Variants in MAST1 observed in about 807,000 individuals in gnomAD.
MAST1 encodes the protein microtubule-associated serine/threonine-protein kinase 1.
In MAST1, 40 loss-of-function variants were observed where a neutral mutation model predicts 124.6. The ratio of observed to expected loss-of-function variants is 0.32; its 90% confidence interval spans 0.25 to 0.42. MAST1 has a LOEUF of 0.42. MAST1 is among the 10% of genes least tolerant of loss of function. MAST1 has a pLI of 1.00. For synonymous variants in MAST1, 938 were observed against 939.4 expected, an observed-to-expected ratio of 1.00 and a Z score of 0.03; for missense variants, 1,558 against 2,181.9, an observed-to-expected ratio of 0.71 and a Z score of 5.70.
intron 7 of MAST1, among the ~76,000 whole-genome samples, chr19:12,849,305 T>C (rs1000913897): frequency 3.9e-5 from 6 of 152,114 alleles, no homozygotes; most frequent in African/African-American, 1.4e-4. Context: ...GATGGGAGGA[T>C]TGCTTGAGGT....
At chr19:12,858,006 C>CAAAAAAAAAAAAAAAAAA (rs539497049) in intron 10 of MAST1, among the ~76,000 whole-genome samples, 2 of 49,446 alleles carry the variant, frequency 4.0e-5, no homozygotes, top group African/African-American at 1.1e-4. Context: ...GAACCTATCT[C>CAAAAAAAAAAAAAAAAAA]AAAAAAAAAA....
chr19:12,848,207 T>TC (rs1165212080), intron 7 of MAST1, 150 bp downstream of exon 7: 1 of 682,536 alleles, frequency 1.5e-6, no homozygotes, highest in African/African-American at 1.8e-5. Context: ...GTGGAAGTGG[T>TC]CCCTTCCCTA....
intron 12 of MAST1, among the ~76,000 whole-genome samples, chr19:12,861,999 CT>C (rs55931366): frequency 0.068 from 8,379 of 122,950 alleles, 291 homozygotes; most frequent in African/African-American, 0.16. Context: ...CCGTGCCTGC[CT>C]TTTTTTTTTT....
At chr19:12,851,438 A>T (rs1040041123) in intron 7 of MAST1, among the ~76,000 whole-genome samples, 1 of 150,566 alleles carries the variant, frequency 6.6e-6, no homozygotes, top group Admixed American at 6.6e-5. Context: ...TAATTTTATT[A>T]TTTGTAGAGA....
In MAST1 at chr19:12,865,891, G is replaced by A; in HGVS notation, c.1906+73G>A. 2 of 1,604,884 alleles carry A rather than the reference G, an allele frequency of 1.2e-6. No homozygotes were observed. Among genetic ancestry groups the A allele is most frequent in the South Asian group, 1.1e-5 (1 of 90,592 alleles). ...GCCTCCAAAACCCCAGGCCCAGCCT[G>A]TGCTGTGGCCCCGGGGCGGAAGACA... On this transcript the variant is annotated intron_variant, in intron 16 of 25. Coordinates refer to ENST00000251472, the MANE Select transcript of MAST1 (RefSeq NM_014975.3). This position sits in a 1 kb window ranked among gnomAD's most constrained non-coding sequence, Gnocchi z 7.1.
chr19:12,865,626 C>A lies in MAST1; in HGVS notation c.1805-91C>A. 1 of 1,435,916 alleles carries A rather than the reference C, an allele frequency of 7.0e-7. No individual in the cohort carries two copies. Among genetic ancestry groups the A allele is most frequent in the Non-Finnish European group, 9.6e-7 (1 of 1,042,180 alleles). 88.9% of individuals were successfully genotyped at this position (1,435,916 alleles called of 1,614,324 possible). A position where few individuals can be genotyped will look rare whatever the true frequency, so the allele number is the denominator to read the frequency against. ...AGGCTGCAGTGAGCCATGATCGTGC[C>A]ACTGCACTCCAGCTGGGTGACACAG... On this transcript the variant is annotated intron_variant, in intron 15 of 25. Transcript: ENST00000251472. The surrounding 1 kb of genome is among the most constrained non-coding windows in gnomAD (Gnocchi z 7.1).
Position 12,847,772 on chromosome 19 carries a change from TCGGTG to T in MAST1, c.565-73_565-69del, listed in dbSNP as rs1160866229. The T allele has an allele frequency of 3.2e-6, 5 of 1,583,688 alleles. No individual in the cohort carries two copies. The highest frequency in any genetic ancestry group is 4.3e-6 in the Non-Finnish European group (5 of 1,161,906). The stretch of plus-strand genomic sequence containing the variant: ...TATCCCCGCGCGCCCCCTGGCGGCC[TCGGTG>T]CGCAGCGCAGGCTCCTGGCGGCCGC... On this transcript the variant is annotated intron_variant, in intron 6 of 25. Coordinates refer to ENST00000251472, the MANE Select transcript of MAST1 (RefSeq NM_014975.3). The surrounding 1 kb of genome is among the most constrained non-coding windows in gnomAD (Gnocchi z 5.5).
Position 12,866,868 on chromosome 19 carries a change from A to C in MAST1, c.2139+106A>C. 1 of 940,878 alleles carries C rather than the reference A, an allele frequency of 1.1e-6. No homozygotes were observed. Among genetic ancestry groups the C allele is most frequent in the Middle Eastern group, 2.3e-4 (1 of 4,418 alleles). 58.3% of individuals were successfully genotyped at this position (940,878 alleles called of 1,614,324 possible). A position where few individuals can be genotyped will look rare whatever the true frequency, so the allele number is the denominator to read the frequency against. ...GGTGCCCAAGGTCTCAGGAGCGGGA[A>C]GTTATTGATGGGGCGGGAGTCTGGA... is the stretch of plus-strand genomic sequence containing the variant. On this transcript the variant is annotated intron_variant, in intron 18 of 25. Coordinates refer to ENST00000251472, the MANE Select transcript of MAST1 (RefSeq NM_014975.3). This position sits in a 1 kb window ranked among gnomAD's most constrained non-coding sequence, Gnocchi z 5.2.
chr19:12,854,273 G>A (rs1599582565), intron 10 of MAST1, among the ~76,000 whole-genome samples: 3 of 151,924 alleles, frequency 2.0e-5, no homozygotes, highest in East Asian at 1.9e-4. Context: ...ATAGGCATGC[G>A]CCACCACACC....
intron 10 of MAST1, among the ~76,000 whole-genome samples, chr19:12,854,243 C>T (rs1034330371): frequency 1.3e-5 from 2 of 151,788 alleles, no homozygotes; most frequent in African/African-American, 4.8e-5. Context: ...CCTCCCTCAG[C>T]CTCCTGAGTA....
chr19:12,847,521 C>A lies in MAST1; in HGVS notation c.488+71C>A. 1 of 1,610,752 alleles carries A rather than the reference C, an allele frequency of 6.2e-7. No individual in the cohort carries two copies. Among genetic ancestry groups the A allele is most frequent in the Non-Finnish European group, 8.5e-7 (1 of 1,177,884 alleles). ...GACTTGTGCTTAGAGAGACCCCTGT[C>A]CCCGCGAATAAAAGGGTTACATCTT... On this transcript the variant is annotated intron_variant, in intron 5 of 25. Coordinates refer to ENST00000251472, the MANE Select transcript of MAST1 (RefSeq NM_014975.3). This position sits in a 1 kb window ranked among gnomAD's most constrained non-coding sequence, Gnocchi z 5.5.
chr19:12,856,693 TAGAC>T (rs775842976), intron 10 of MAST1, among the ~76,000 whole-genome samples: 4 of 152,224 alleles, frequency 2.6e-5, no homozygotes, highest in South Asian at 4.1e-4. Flanking sequence ...TCTAAATCCA[TAGAC>T]AGAGAGTTTC....
intron 1 of MAST1, among the ~76,000 whole-genome samples, chr19:12,839,126 GA>G: frequency 7.1e-6 from 1 of 140,214 alleles, no homozygotes; most frequent in South Asian, 2.3e-4. Context: ...CTGAGGGGTA[GA>G]AAAAAGGGGG....
chr19:12,842,209 T>C (rs571040813), intron 3 of MAST1, among the ~76,000 whole-genome samples: 18 of 152,206 alleles, frequency 1.2e-4, no homozygotes, highest in Admixed American at 8.5e-4. Flanking sequence ...GCAATCTGTG[T>C]GTGGGTGTAA....
intron 10 of MAST1, among the ~76,000 whole-genome samples, chr19:12,857,672 A>G (rs1210723364): frequency 6.6e-6 from 1 of 152,116 alleles, no homozygotes; most frequent in East Asian, 1.9e-4. Context: ...TTGGCCTTCC[A>G]AAGTGCTGTG....
chr19:12,867,338 G>A (rs1970168045), intron 18 of MAST1, 136 bp from the exon 19 acceptor site: 5 of 938,668 alleles, frequency 5.3e-6, no homozygotes, highest in Non-Finnish European at 8.4e-6. Flanking sequence ...GTAGGTTGGG[G>A]GATCATGCAC....
intron 12 of MAST1, among the ~76,000 whole-genome samples, chr19:12,859,278 C>G (rs962223229): frequency 2.0e-5 from 3 of 152,080 alleles, no homozygotes; most frequent in Non-Finnish European, 4.4e-5. Context: ...CAGGATTTCG[C>G]CATGTTTGCC....
chr19:12,869,331 G>A, intron 22 of MAST1, 36 bp downstream of exon 22: 4 of 1,564,574 alleles, frequency 2.6e-6, no homozygotes, highest in South Asian at 1.1e-5. Flanking sequence ...ATCACAGAGT[G>A]GAGGGTGGTG....
In MAST1 at chr19:12,847,115, C is replaced by A. The variant is rs1599578223; in HGVS notation, c.328-175C>A. 23 of 600,506 alleles carry A rather than the reference C, an allele frequency of 3.8e-5. No homozygotes were observed. The East Asian group carries it at 4.4e-4, about 12-fold the overall frequency. The allele number at this position is 600,506 out of a possible 1,614,324, so 37.2% of individuals were successfully genotyped here. On this transcript the variant is annotated intron_variant, in intron 4 of 25. Transcript: ENST00000251472. The surrounding 1 kb of genome is among the most constrained non-coding windows in gnomAD (Gnocchi z 5.5). ...TGTCTCCACCCCTGTCTGTCCCTGT[C>A]CACCTGTCTGTGGCCAAGAGTCCCA...
Sources: gnomAD v4.1 joint callset for allele counts (sites outside exome capture counted in the v4.1 genomes callset) on GRCh38, gnomAD v4.1.1 for gene constraint, Gnocchi (gnomAD v3.1) non-coding constraint, MANE v1.5 for transcripts, NCBI Gene and HGNC (gene_info 2026-07-23, HGNC 2026-07-21) for gene names.